The following SEMA6B variants were observed in gnomAD, a reference collection of about 807,000 sequenced individuals.
The protein encoded by SEMA6B is semaphorin-6B.
In SEMA6B, 47 loss-of-function variants were observed where a neutral mutation model predicts 78.6. The ratio of observed to expected loss-of-function variants is 0.60; its 90% CI spans 0.47 to 0.76. The LOEUF (loss-of-function observed/expected upper bound fraction) is 0.76. SEMA6B is among the 30% of genes least tolerant of loss of function. The probability of loss-of-function intolerance (pLI) is 0.00; values close to 1 mark genes in which losing one functional copy is unlikely to be tolerated. For synonymous variants in SEMA6B, 632 were observed against 592.2 expected (o/e 1.07, Z -0.98); for missense variants, 1,213 against 1,269.9 (o/e 0.96, Z 0.68).
chr19:4,546,525 A>AC, intron 14 of SEMA6B, 56 bp from the exon 15 acceptor site: 1 of 1,279,900 alleles, frequency 7.8e-7, no homozygotes, highest in Non-Finnish European at 1.1e-6. Context: ...ACACAACCCC[A>AC]ATGGTGATGG....
intron 8 of SEMA6B, 115 bp downstream of exon 8, chr19:4,554,861 T>C: frequency 1.6e-6 from 2 of 1,260,122 alleles, no homozygotes; most frequent in Non-Finnish European, 2.2e-6. Flanking sequence ...TCCAAAGATG[T>C]GGTGGAAATC....
rs1041735198 is a variant in SEMA6B at position 4,543,103 on chromosome 19, G to A, written c.*498C>T. Reference sequence around the variant, plus strand: ...CACGCACACACACGCCCACCTCCCCGGCCCCTTGCACACGAACACGGCACG... The same window carrying A: ...CACGCACACACACGCCCACCTCCCCAGCCCCTTGCACACGAACACGGCACG... On this transcript the variant is annotated 3_prime_UTR_variant, in exon 17 of 17. Coordinates refer to ENST00000586582, the MANE Select transcript of SEMA6B (RefSeq NM_032108.4). The A allele has an allele frequency of 4.8e-6, 3 of 628,486 alleles. No individual in the cohort carries two copies. Among genetic ancestry groups the A allele is most frequent in the Admixed American group, 2.5e-5 (1 of 40,762 alleles). The allele number at this position is 628,486 out of a possible 1,614,324, so 38.9% of individuals were successfully genotyped here.
chr19:4,544,979 G>A lies in SEMA6B; in HGVS notation c.1739-450C>T, dbSNP rs560705311. ...TTTTTTGTTTGTTTGTTTTGAGACA[G>A]TCCCCCAGGCTAGAGTGCAGTGGTA... is the stretch of plus-strand genomic sequence containing the variant. On this transcript the variant is annotated intron_variant, in intron 16 of 16. Transcript: ENST00000586582. This position sits in a 1 kb window ranked among gnomAD's most constrained non-coding sequence, Gnocchi z 5.1. 2.0e-5 allele frequency among the ~76,000 whole-genome samples: 3 copies of A among 152,022 alleles called. No individual in the cohort carries two copies. The highest frequency in any genetic ancestry group is 2.1e-4 in the South Asian group (1 of 4,802).
intron 14 of SEMA6B, among the ~76,000 whole-genome samples, chr19:4,547,267 G>A (rs1280585244): frequency 6.6e-6 from 1 of 152,160 alleles, no homozygotes; most frequent in East Asian, 1.9e-4. Flanking sequence ...ACCAAGCCCA[G>A]TCCCTCTTCT....
Position 4,552,062 on chromosome 19 carries a change from T to C in SEMA6B, c.989+360A>G, listed in dbSNP as rs1419446893. ...AGACTCTCTCACGATTACTTAAGTA[T>C]ACTGAACTCACTGAAGCCTCAGGAC... On this transcript the variant is annotated intron_variant, in intron 10 of 16. Transcript: ENST00000586582. The surrounding 1 kb of genome is among the most constrained non-coding windows in gnomAD (Gnocchi z 7.4). Among the ~76,000 whole-genome samples the C allele has an allele frequency of 1.3e-5, 2 of 152,150 alleles. No homozygotes were observed. The highest frequency in any genetic ancestry group is 6.5e-5 in the Admixed American group (1 of 15,284).
chr19:4,556,993 G>A lies in SEMA6B; in HGVS notation c.327C>T (p.Asn109=). The change falls in exon 5 of 17, where the codon AAC becomes AAT. Residue 109 remains asparagine (N), a synonymous_variant. Transcript: ENST00000586582. ...RYQRKLTWRS[N]PSDINVCRMK... is the part of the protein sequence containing the mutation. ...TCCGACACACGTTTATGTCGCTGGG[G>A]TTAGATCTCCAGGTCAGCTTCTGCA... The A allele has an allele frequency of 6.2e-7, 1 of 1,613,312 alleles. No individual in the cohort carries two copies. The highest frequency in any genetic ancestry group is 8.5e-7 in the Non-Finnish European group (1 of 1,179,614).
At chr19:4,554,922 A>G in intron 8 of SEMA6B, 54 bp downstream of exon 8, 1 of 1,584,620 alleles carries the variant, frequency 6.3e-7, no homozygotes, top group South Asian at 1.1e-5. Context: ...GATTTGATGA[A>G]TGTCAGGTTC....
rs922672175 is a variant in SEMA6B, at chr19:4,544,623, ATTTTTATTTT to A, written c.1739-104_1739-95del. 3.6e-5 allele frequency: 23 copies of A among 632,016 alleles called. 1 individual carries two copies. In the South Asian group the frequency reaches 5.4e-4, roughly 15 times the overall value. 39.2% of individuals were successfully genotyped at this position (632,016 alleles called of 1,614,324 possible). A position where few individuals can be genotyped will look rare whatever the true frequency, so the allele number is the denominator to read the frequency against. ...GGGGCCCTCTGTCCTCTTTTTTATTATTTTTATTTTTTTTTATTTATTTATTTTTTGAGAA... is the reference window on the plus strand; with the variant it reads ...GGGGCCCTCTGTCCTCTTTTTTATTATTTTTATTTATTTATTTTTTGAGAA... On this transcript the variant is annotated intron_variant, in intron 16 of 16. Coordinates refer to ENST00000586582, the MANE Select transcript of SEMA6B (RefSeq NM_032108.4). The surrounding 1 kb of genome is among the most constrained non-coding windows in gnomAD (Gnocchi z 5.1).
intron 14 of SEMA6B, 39 bp downstream of exon 14, chr19:4,547,988 T>G (rs1977212694): frequency 4.0e-6 from 6 of 1,509,168 alleles, no homozygotes; most frequent in African/African-American, 2.7e-5. Flanking sequence ...CCATCCTCCC[T>G]TGCTTCCCGC....
chr19:4,546,507 A>G, intron 14 of SEMA6B, 38 bp from the exon 15 acceptor site: 1 of 1,467,446 alleles, frequency 6.8e-7, no homozygotes. Flanking sequence ...CAAGTGTCCA[A>G]GTCACTTACA....
In SEMA6B at chr19:4,542,683, A is replaced by G; in HGVS notation, c.*918T>C. 1 of 645,948 alleles carries G rather than the reference A, an allele frequency of 1.5e-6. No homozygotes were observed. Among genetic ancestry groups the G allele is most frequent in the Non-Finnish European group, 2.8e-6 (1 of 351,944 alleles). 40.0% of individuals were successfully genotyped at this position (645,948 alleles called of 1,614,324 possible). ...GGACCCAGCCAGCCACGTGGCATGCATGGTCAGCTGGAGGTCAGAGGGGGG... is the reference window on the plus strand; with the variant it reads ...GGACCCAGCCAGCCACGTGGCATGCGTGGTCAGCTGGAGGTCAGAGGGGGG... On this transcript the variant is annotated 3_prime_UTR_variant, in exon 17 of 17. Transcript: ENST00000586582.
chr19:4,546,904 C>T (rs1190299671), intron 14 of SEMA6B, among the ~76,000 whole-genome samples: 4 of 151,842 alleles, frequency 2.6e-5, no homozygotes, highest in Non-Finnish European at 4.4e-5. Context: ...GTGTGAGCCA[C>T]CACGGCTGGC....
chr19:4,556,003 C>A lies in SEMA6B; in HGVS notation c.456G>T (p.Val152=). The change falls in exon 6 of 17, where the codon GTG becomes GTT. Residue 152 remains valine (V), a synonymous_variant. Transcript: ENST00000586582. ...FVCGSNAFNP[V]CANYSIDTLQ... The stretch of plus-strand genomic sequence containing the variant: ...GAAGACTCACGCTGTAGTTGGCGCA[C>A]ACCGGGTTGAAGGCGTTGGAACCGC... 1 of 1,613,996 alleles carries A rather than the reference C, an allele frequency of 6.2e-7. No individual in the cohort carries two copies.
intron 14 of SEMA6B, 127 bp downstream of exon 14, chr19:4,547,900 G>T: frequency 8.1e-7 from 1 of 1,235,780 alleles, no homozygotes; most frequent in Non-Finnish European, 1.1e-6. Context: ...GCCTTTGCAC[G>T]GGCCATGCCC....
Position 4,555,028 on chromosome 19 carries a change from G to A in SEMA6B, c.630C>T (p.Leu210=), listed in dbSNP as rs575497966. The A allele has an allele frequency of 2.0e-5, 33 of 1,614,092 alleles. No homozygotes were observed. The highest frequency in any genetic ancestry group is 1.3e-4 in the Admixed American group (8 of 60,030). The part of the protein sequence containing the change: ...LAIDAVIYRS[L]GDRPTLRTVK... The stretch of plus-strand genomic sequence containing the variant: ...CGGTGCGCAGGGTGGGCCTGTCCCC[G>A]AGGCTGCGGTAGATGACAGCATCAA... The change falls in exon 8 of 17, where the codon CTC becomes CTT. Residue 210 remains leucine, a synonymous_variant. Coordinates refer to ENST00000586582, the MANE Select transcript of SEMA6B (RefSeq NM_032108.4). This position sits in a 1 kb window ranked among gnomAD's most constrained non-coding sequence, Gnocchi z 6.1.
At chr19:4,548,499 C>A in intron 12 of SEMA6B, 54 bp from the exon 13 acceptor site, 4 of 1,510,572 alleles carry the variant, frequency 2.6e-6, no homozygotes, top group East Asian at 2.3e-5. Context: ...CACATGCCAC[C>A]AACACGGGCA....
intron 16 of SEMA6B, among the ~76,000 whole-genome samples, chr19:4,545,324 G>C (rs890066775): frequency 7.2e-6 from 1 of 139,400 alleles, no homozygotes; most frequent in Non-Finnish European, 1.5e-5. Flanking sequence ...CTGGGTGACA[G>C]AGCAAGACTC....
chr19:4,553,253 G>T (rs563795323), intron 9 of SEMA6B, among the ~76,000 whole-genome samples: 1 of 152,150 alleles, frequency 6.6e-6, no homozygotes, highest in Non-Finnish European at 1.5e-5. Flanking sequence ...GAGAAAGCTA[G>T]GTGAGTGGAT....
rs570591838 is a variant in SEMA6B, at chr19:4,550,573, G to A, written c.1121+226C>T. ...GAGACAGGGTTTCGCCATGTTGGTC[G>A]GGCTGGTCTCAAACCCTCGACCTCA... On this transcript the variant is annotated intron_variant, in intron 11 of 16. Coordinates refer to ENST00000586582, the MANE Select transcript of SEMA6B (RefSeq NM_032108.4). This position sits in a 1 kb window ranked among gnomAD's most constrained non-coding sequence, Gnocchi z 6.6. Among the ~76,000 whole-genome samples the A allele has an allele frequency of 1.4e-3, 219 of 152,050 alleles. 1 individual carries two copies. The highest frequency in any genetic ancestry group is 4.8e-3 in the Admixed American group (73 of 15,278).
Sources: allele counts gnomAD v4.1 joint callset (sites outside exome capture counted in the v4.1 genomes callset), GRCh38; gene constraint gnomAD v4.1.1; non-coding constraint Gnocchi (gnomAD v3.1); transcripts MANE v1.5; gene names NCBI Gene and HGNC (gene_info 2026-07-23, HGNC 2026-07-21).